The following SNX16 variants were observed in gnomAD, a reference collection of about 807,000 sequenced individuals.
SNX16 encodes the protein sorting nexin 16.
Under a neutral mutation model 36.7 loss-of-function variants are expected in SNX16, and 35 were observed. The ratio of observed to expected loss-of-function variants is 0.95; its 90% CI spans 0.73 to 1.27. SNX16 has a LOEUF of 1.27. SNX16 is among the 50% of genes most tolerant of loss of function. The pLI, the probability that SNX16 is intolerant of heterozygous loss-of-function variation, is 0.00. For missense variants in SNX16, 367 were observed against 393.6 expected, an observed-to-expected ratio of 0.93 and a Z score of 0.57; for synonymous variants, 134 against 132.0, an observed-to-expected ratio of 1.02 and a Z score of -0.10.
intron 2 of SNX16, among the ~76,000 whole-genome samples, chr8:81,833,448 G>A (rs1263375533): frequency 2.0e-5 from 3 of 151,848 alleles, no homozygotes; most frequent in Non-Finnish European, 2.9e-5. Context: ...TGGGAAACAA[G>A]GTTACTCGGA....
intron 2 of SNX16, among the ~76,000 whole-genome samples, chr8:81,830,502 C>T (rs1422000759): frequency 2.8e-5 from 4 of 144,158 alleles, no homozygotes; most frequent in Non-Finnish European, 4.5e-5. Flanking sequence ...ACCCAGGAGG[C>T]GGAGCTTGCA....
At chr8:81,812,215 CAAG>C (rs1239034135) in intron 5 of SNX16, among the ~76,000 whole-genome samples, 1 of 151,558 alleles carries the variant, frequency 6.6e-6, no homozygotes, top group Non-Finnish European at 1.5e-5. Flanking sequence ...AATGACAGTC[CAAG>C]AAGGAGAAGG....
At chr8:81,825,846 C>T (rs1380472558) in intron 3 of SNX16, among the ~76,000 whole-genome samples, 1 of 151,792 alleles carries the variant, frequency 6.6e-6, no homozygotes, top group Non-Finnish European at 1.5e-5. Flanking sequence ...TAACTAAAAC[C>T]TTAATTTGAT....
chr8:81,839,561 A>T, intron 2 of SNX16, 51 bp downstream of exon 2: 2 of 1,503,210 alleles, frequency 1.3e-6, no homozygotes, highest in Non-Finnish European at 1.8e-6. Flanking sequence ...GAACACAGAG[A>T]TTAGCCAATC....
intron 2 of SNX16, among the ~76,000 whole-genome samples, chr8:81,835,717 A>G (rs1019055882): frequency 7.9e-5 from 12 of 152,192 alleles, no homozygotes; most frequent in Admixed American, 7.2e-4. Context: ...TCTCCAACTA[A>G]GACTACCTCA....
chr8:81,813,411 C>T (rs907628069), intron 5 of SNX16, among the ~76,000 whole-genome samples: 16 of 151,756 alleles, frequency 1.1e-4, no homozygotes, highest in South Asian at 2.1e-4. Flanking sequence ...ACTTAAGACC[C>T]TTACCTAATA....
At chr8:81,808,528 A>G in intron 5 of SNX16, 1 of 975,958 alleles carries the variant, frequency 1.0e-6, no homozygotes, top group Non-Finnish European at 1.6e-6. Context: ...GATGGAAGCA[A>G]CTTTGGAGGT....
Position 81,800,422 on chromosome 8 carries a change from AGAAAGT to A in SNX16, c.*1069_*1074del, listed in dbSNP as rs1809634911. On this transcript the variant is annotated 3_prime_UTR_variant, in exon 8 of 8. Transcript: ENST00000345957. ...CTCAAAGACCCTAGGAGACTTTTGT[AGAAAGT>A]GAAATAGTAAAGGCACTACATAATT... is the stretch of plus-strand genomic sequence containing the variant. 1 of 152,308 alleles carries A rather than the reference AGAAAGT, an allele frequency of 6.6e-6. No homozygotes were observed. The highest frequency in any genetic ancestry group is 1.5e-5 in the Non-Finnish European group (1 of 67,736). The allele number at this position is 152,308 out of a possible 1,614,324, so 9.4% of individuals were successfully genotyped here.
chr8:81,823,870 G>C lies in SNX16; in HGVS notation c.533C>G (p.Ala178Gly). ...PKRWFKDNYNADFLEDRQLGL... is the reference protein window; with the variant it reads ...PKRWFKDNYNGDFLEDRQLGL... ...TAATTGTCTGTCTTCTAAAAAGTCA[G>C]CATTGTAATTATCTTTAAACCAGCG... is the stretch of plus-strand genomic sequence containing the variant. The change falls in exon 4 of 8, where the codon GCT (alanine) becomes GGT (glycine). Residue 178 changes from alanine (A) to glycine (G), a missense_variant. Physicochemically the swap from Ala to Gly is moderately conservative, Grantham distance 60. Coordinates refer to ENST00000345957, the MANE Select transcript of SNX16 (RefSeq NM_152836.3). 8.1e-6 allele frequency: 13 copies of C among 1,612,034 alleles called. No homozygotes were observed. The highest frequency in any genetic ancestry group is 1.1e-5 in the Non-Finnish European group (13 of 1,178,956).
intron 4 of SNX16, among the ~76,000 whole-genome samples, chr8:81,815,879 T>C (rs774476): frequency 0.25 from 37,708 of 152,114 alleles, 5,224 homozygotes; most frequent in East Asian, 0.37. Context: ...CTTAAATATT[T>C]TCCCTAGATA....
Position 81,839,875 on chromosome 8 carries a change from T to G in SNX16, c.112A>C (p.Asn38His). ...SSFGSVSTSS[N>H]SSKGQLEDSN... ...TCTTCTAACTGGCCCTTAGAAGAAT[T>G]TGAGCTTGTTGAGACACTGCCAAAA... Residue 38 changes from asparagine to histidine, a missense_variant, in exon 2 of 8, where the codon AAT becomes CAT. Physicochemically the swap from Asn to His is moderately conservative, Grantham distance 68. Coordinates refer to ENST00000345957, the MANE Select transcript of SNX16 (RefSeq NM_152836.3). 6.2e-7 allele frequency: 1 copy of G among 1,614,010 alleles called. No individual in the cohort carries two copies. Among genetic ancestry groups the G allele is most frequent in the Non-Finnish European group, 8.5e-7 (1 of 1,179,928 alleles).
At chr8:81,834,398 C>A (rs1473182492) in intron 2 of SNX16, among the ~76,000 whole-genome samples, 1 of 152,110 alleles carries the variant, frequency 6.6e-6, no homozygotes, top group Non-Finnish European at 1.5e-5. Context: ...AATCTCATGT[C>A]CTCACATTTC....
intron 3 of SNX16, among the ~76,000 whole-genome samples, chr8:81,825,873 A>G (rs1035323068): frequency 4.6e-5 from 7 of 152,166 alleles, no homozygotes; most frequent in African/African-American, 1.7e-4. Context: ...ATGTAATTAG[A>G]TATTTATGGC....
chr8:81,812,668 A>T (rs1449876252), intron 5 of SNX16, among the ~76,000 whole-genome samples: 2 of 152,122 alleles, frequency 1.3e-5, no homozygotes, highest in Non-Finnish European at 1.5e-5. Context: ...AAAGGAAGTG[A>T]TACCAGATGA....
intron 3 of SNX16, among the ~76,000 whole-genome samples, chr8:81,826,588 T>C (rs964986431): frequency 1.4e-4 from 22 of 152,178 alleles, no homozygotes; most frequent in Admixed American, 1.1e-3. Context: ...GCCCCAACTC[T>C]GATAAGCCCT....
At chr8:81,813,108 A>G (rs1448981794) in intron 5 of SNX16, among the ~76,000 whole-genome samples, 3 of 152,090 alleles carry the variant, frequency 2.0e-5, no homozygotes, top group Non-Finnish European at 2.9e-5. Flanking sequence ...CGGAAAGAAT[A>G]ACAGATCAAG....
At chr8:81,819,060 C>T (rs1406946622) in intron 4 of SNX16, among the ~76,000 whole-genome samples, 2 of 151,886 alleles carry the variant, frequency 1.3e-5, no homozygotes, top group Non-Finnish European at 2.9e-5. Flanking sequence ...CAGATCCATC[C>T]TGAACTTTAA....
chr8:81,826,940 T>C (rs1811046817), intron 3 of SNX16, among the ~76,000 whole-genome samples: 1 of 152,184 alleles, frequency 6.6e-6, no homozygotes, highest in Non-Finnish European at 1.5e-5. Flanking sequence ...AAATACTTCA[T>C]GATTGATTTT....
chr8:81,810,913 C>A (rs1161368248), intron 5 of SNX16, among the ~76,000 whole-genome samples: 1 of 152,198 alleles, frequency 6.6e-6, no homozygotes, highest in Non-Finnish European at 1.5e-5. Flanking sequence ...AGCTTCCACT[C>A]TTCCCCTGCC....
Sources: allele counts gnomAD v4.1 joint callset (sites outside exome capture counted in the v4.1 genomes callset), GRCh38; gene constraint gnomAD v4.1.1; transcripts MANE v1.5; gene names NCBI Gene and HGNC (gene_info 2026-07-23, HGNC 2026-07-21).